ZNF142: variants seen among roughly 807,000 people sequenced by gnomAD.
ZNF142 encodes the protein zinc finger protein 142.
A neutral mutation model predicts 132.1 loss-of-function variants in ZNF142; 96 were observed. The ratio of observed to expected loss-of-function variants is 0.73; its 90% CI spans 0.62 to 0.86. The LOEUF (loss-of-function observed/expected upper bound fraction) is 0.86, where lower values mean the gene tolerates loss of function less well. ZNF142 is among the 40% of genes least tolerant of loss of function. The pLI is 0.00. For synonymous variants in ZNF142, 842 were observed against 890.1 expected, an observed-to-expected ratio of 0.95 and a Z score of 0.96; for missense variants, 2,163 against 2,336.2, an observed-to-expected ratio of 0.93 and a Z score of 1.53.
chr2:218,648,206 G>T (rs1224409953), intron 7 of ZNF142, among the ~76,000 whole-genome samples: 2 of 152,234 alleles, frequency 1.3e-5, no homozygotes, highest in East Asian at 3.8e-4. Context: ...TCAGTGTCAT[G>T]GATGCCCAAG....
chr2:218,634,594 C>CA lies in ZNF142; in HGVS notation c.*3744dup. On this transcript the variant is annotated 3_prime_UTR_variant, in exon 11 of 11. Coordinates refer to ENST00000411696, the MANE Select transcript of ZNF142 (RefSeq NM_001379659.1). The surrounding 1 kb of genome is among the most constrained non-coding windows in gnomAD (Gnocchi z 4.0). Reference sequence around the variant, plus strand: ...AGAGTTCTTTCCACCCTGAGAAGCCCATCAGCCCTTTCAAAGCCCAGACTC... The same window carrying CA: ...AGAGTTCTTTCCACCCTGAGAAGCCCAATCAGCCCTTTCAAAGCCCAGACTC... The CA allele has an allele frequency of 3.1e-6, 5 of 1,614,016 alleles. No individual in the cohort carries two copies. In the South Asian group the frequency reaches 5.5e-5, roughly 18 times the overall value.
intron 4 of ZNF142, among the ~76,000 whole-genome samples, chr2:218,653,291 T>A (rs1322436106): frequency 6.8e-6 from 1 of 146,776 alleles, no homozygotes; most frequent in Non-Finnish European, 1.5e-5. Flanking sequence ...AAAAAAAAAA[T>A]TTCAGGCCGG....
intron 3 of ZNF142, among the ~76,000 whole-genome samples, chr2:218,657,166 A>G (rs1938591585): frequency 6.6e-6 from 1 of 152,026 alleles, no homozygotes; most frequent in Non-Finnish European, 1.5e-5. Context: ...AGCATGGATT[A>G]TAAGGAAGGC....
In ZNF142 at chr2:218,644,036, A is replaced by G. The variant is rs763661146; in HGVS notation, c.3080T>C (p.Val1027Ala). ...GGCTCGCCCCTCTCCCTGGATCACT[A>G]CCATCTGCACCCGCCCCTCTAGCAC... The part of the protein sequence containing the change: ...ALVLEGRVQM[V>A]VIQGEGRAFR... The change falls in exon 9 of 11, where the codon GTA becomes GCA. Residue 1027 changes from valine (V) to alanine (A), a missense_variant. Val to Ala is a moderately conservative substitution (Grantham distance 64). Transcript: ENST00000411696. The surrounding 1 kb of genome is among the most constrained non-coding windows in gnomAD (Gnocchi z 4.6). The G allele has an allele frequency of 3.1e-6, 5 of 1,613,902 alleles. No individual in the cohort carries two copies. In the African/African-American group the frequency reaches 6.7e-5, roughly 22 times the overall value.
In ZNF142 at chr2:218,635,955, AG is replaced by A; in HGVS notation, c.*2383del. On this transcript the variant is annotated 3_prime_UTR_variant, in exon 11 of 11. Transcript: ENST00000411696. ...TGGTGAGAAACTGGCAGTGCTGGGG[AG>A]GTGGGGGTAGGAGCATGATTAGTTT... is the stretch of plus-strand genomic sequence containing the variant. The A allele has an allele frequency of 6.2e-7, 1 of 1,613,816 alleles. No individual in the cohort carries two copies. Among genetic ancestry groups the A allele is most frequent in the Non-Finnish European group, 8.5e-7 (1 of 1,179,810 alleles).
intron 9 of ZNF142, 135 bp from the exon 10 acceptor site, chr2:218,640,904 C>A (rs1383597280): frequency 7.3e-5 from 44 of 606,692 alleles, no homozygotes; most frequent in Non-Finnish European, 5.5e-6. Flanking sequence ...CTTTGTTTTT[C>A]TTAATCTTCA....
At position 218,644,911 on chromosome 2, in the gene ZNF142, G is replaced by A. The variant is rs1428199348; in HGVS notation, c.2205C>T (p.His735=). 3 of 1,613,940 alleles carry A rather than the reference G, an allele frequency of 1.9e-6. No individual in the cohort carries two copies. Among genetic ancestry groups the A allele is most frequent in the Middle Eastern group, 1.6e-4 (1 of 6,084 alleles). ...YELQKHMASQ[H]HPGTPAPLYP... ...AGAGTGGGGCCGGTGTGCCAGGGTG[G>A]TGCTGGGAAGCCATGTGCTTCTGCA... Residue 735 remains histidine (H), a synonymous_variant, in exon 9 of 11, where the codon CAC becomes CAT. Coordinates refer to ENST00000411696, the MANE Select transcript of ZNF142 (RefSeq NM_001379659.1). The surrounding 1 kb of genome is among the most constrained non-coding windows in gnomAD (Gnocchi z 4.6).
At chr2:218,639,057 C>T (rs555808242) in intron 10 of ZNF142, among the ~76,000 whole-genome samples, 14 of 152,286 alleles carry the variant, frequency 9.2e-5, no homozygotes, top group African/African-American at 2.6e-4. Context: ...CTACAACCTC[C>T]GCCTCCCAGG....
intron 7 of ZNF142, among the ~76,000 whole-genome samples, chr2:218,647,609 G>T (rs1320625299): frequency 4.6e-5 from 7 of 151,962 alleles, no homozygotes; most frequent in African/African-American, 1.7e-4. Flanking sequence ...CCTCCAAAAG[G>T]TTGGTATAAA....
chr2:218,633,344 G>A lies in ZNF142; in HGVS notation c.*4995C>T. On this transcript the variant is annotated 3_prime_UTR_variant, in exon 11 of 11. Coordinates refer to ENST00000411696, the MANE Select transcript of ZNF142 (RefSeq NM_001379659.1). ...AGCCCAGAGGTTGACACTGATCCCA[G>A]CAGTACATGCAGACCGCCTTTATTC... 3 of 703,150 alleles carry A rather than the reference G, an allele frequency of 4.3e-6. No individual in the cohort carries two copies. In the South Asian group the frequency reaches 4.4e-5, roughly 10 times the overall value. 43.6% of individuals were successfully genotyped at this position (703,150 alleles called of 1,614,324 possible). A position where few individuals can be genotyped will look rare whatever the true frequency, so the allele number is the denominator to read the frequency against.
Position 218,636,278 on chromosome 2 carries a change from CG to C in ZNF142, c.*2060del. On this transcript the variant is annotated 3_prime_UTR_variant, in exon 11 of 11. Coordinates refer to ENST00000411696, the MANE Select transcript of ZNF142 (RefSeq NM_001379659.1). ...ATACTGGGGGCAGACACTATGTTTC[CG>C]GGTGCTGGTGCCTGAACTTGCCATG... 6.2e-7 allele frequency: 1 copy of C among 1,614,036 alleles called. No individual in the cohort carries two copies. Among genetic ancestry groups the C allele is most frequent in the Non-Finnish European group, 8.5e-7 (1 of 1,179,892 alleles).
At position 218,634,312 on chromosome 2, in the gene ZNF142, A is replaced by T; in HGVS notation, c.*4027T>A. On this transcript the variant is annotated 3_prime_UTR_variant, in exon 11 of 11. Transcript: ENST00000411696. The surrounding 1 kb of genome is among the most constrained non-coding windows in gnomAD (Gnocchi z 4.0). ...GTGATGGTAGGGTTGGGGAATGCTC[A>T]AGAAAATTGCTAGGCTGAGAAATGC... 1 of 1,571,832 alleles carries T rather than the reference A, an allele frequency of 6.4e-7. No individual in the cohort carries two copies. Among genetic ancestry groups the T allele is most frequent in the Non-Finnish European group, 8.6e-7 (1 of 1,158,178 alleles).
At chr2:218,651,621 C>T (rs972674280) in intron 5 of ZNF142, 80 bp downstream of exon 5, 15 of 1,197,738 alleles carry the variant, frequency 1.3e-5, no homozygotes, top group Non-Finnish European at 1.6e-5. Context: ...CATTCATGGC[C>T]TTGGAAACAA....
rs368838215 is a variant in ZNF142, at chr2:218,642,611, T to G, written c.4505A>C (p.Lys1502Thr). The G allele has an allele frequency of 1.9e-6, 3 of 1,613,584 alleles. No individual in the cohort carries two copies. Among genetic ancestry groups the G allele is most frequent in the African/African-American group, 2.7e-5 (2 of 74,822 alleles). ...GGGGTGTCGGCGCAGAGCATGCTGC[T>G]TAAGTGCTGTCTCTGAGCTGAACTG... is the stretch of plus-strand genomic sequence containing the variant. ...EAQFSSETAL[K>T]QHALRRHPEP... Residue 1502 changes from lysine to threonine, a missense_variant, in exon 9 of 11, where the codon AAG becomes ACG. Physicochemically the swap from Lys to Thr is moderately conservative, Grantham distance 78. Transcript: ENST00000411696. This position sits in a 1 kb window ranked among gnomAD's most constrained non-coding sequence, Gnocchi z 4.6.
At position 218,652,023 on chromosome 2, in the gene ZNF142, G is replaced by T; in HGVS notation, c.558C>A (p.His186Gln). The part of the protein sequence containing the change: ...PQALKSHFKI[H>Q]RGTPDTFSCP... Reference sequence around the variant, plus strand: ...AGGAGAAGGTGTCAGGAGTGCCCCGGTGAATCTTGAAGTGGCTCTTCAGGG... The same window carrying T: ...AGGAGAAGGTGTCAGGAGTGCCCCGTTGAATCTTGAAGTGGCTCTTCAGGG... Residue 186 changes from histidine to glutamine, a missense_variant, in exon 5 of 11, where the codon CAC (histidine) becomes CAA (glutamine). By Grantham distance (24) the His-to-Gln change is conservative. This residue lies in a region of ZNF142 where 195 missense variants were observed against 172.4 expected (regional missense o/e 1.13). Coordinates refer to ENST00000411696, the MANE Select transcript of ZNF142 (RefSeq NM_001379659.1). 1 of 556,068 alleles carries T rather than the reference G, an allele frequency of 1.8e-6. No individual in the cohort carries two copies. Among genetic ancestry groups the T allele is most frequent in the Non-Finnish European group, 3.1e-6 (1 of 318,114 alleles). The allele number at this position is 556,068 out of a possible 1,614,324, so 34.4% of individuals were successfully genotyped here.
At position 218,634,367 on chromosome 2, in the gene ZNF142, G is replaced by A. The variant is rs574517639; in HGVS notation, c.*3972C>T. On this transcript the variant is annotated 3_prime_UTR_variant, in exon 11 of 11. Coordinates refer to ENST00000411696, the MANE Select transcript of ZNF142 (RefSeq NM_001379659.1). This position sits in a 1 kb window ranked among gnomAD's most constrained non-coding sequence, Gnocchi z 4.0. ...AGTGGATATTACCAGCAGGTACCGT[G>A]CACCCAGTACCTATCTTCTTAACTC... The A allele has an allele frequency of 2.5e-6, 4 of 1,573,592 alleles. No individual in the cohort carries two copies. The South Asian group carries it at 4.7e-5, about 19-fold the overall frequency.
In ZNF142 at chr2:218,634,022, G is replaced by T; in HGVS notation, c.*4317C>A. 4.0e-6 allele frequency: 6 copies of T among 1,512,516 alleles called. No homozygotes were observed. The highest frequency in any genetic ancestry group is 8.9e-7 in the Non-Finnish European group (1 of 1,119,182). 93.7% of individuals were successfully genotyped at this position (1,512,516 alleles called of 1,614,324 possible). A position where few individuals can be genotyped will look rare whatever the true frequency, so the allele number is the denominator to read the frequency against. On this transcript the variant is annotated 3_prime_UTR_variant, in exon 11 of 11. Transcript: ENST00000411696. This position sits in a 1 kb window ranked among gnomAD's most constrained non-coding sequence, Gnocchi z 4.0. The stretch of plus-strand genomic sequence containing the variant: ...CCAGCTTCAGATGCTGGAGAGAAGG[G>T]TGAAGAGTAGGCATGGTCCTTGGGA...
intron 5 of ZNF142, among the ~76,000 whole-genome samples, chr2:218,650,963 G>A (rs1019968954): frequency 6.7e-6 from 1 of 150,018 alleles, no homozygotes; most frequent in Admixed American, 6.7e-5. Context: ...TCCCTTGAAA[G>A]TTCCTAAGTT....
Position 218,643,232 on chromosome 2 carries a change from A to G in ZNF142, c.3884T>C (p.Leu1295Pro). The change falls in exon 9 of 11, where the codon CTG becomes CCG. Residue 1295 changes from leucine to proline, a missense_variant. Physicochemically the swap from Leu to Pro is moderately conservative, Grantham distance 98. Coordinates refer to ENST00000411696, the MANE Select transcript of ZNF142 (RefSeq NM_001379659.1). ...ESSSGDGDTV[L>P]VQKQKGARFS... Reference sequence around the variant, plus strand: ...GCGAGCCCCCTTCTGCTTTTGAACCAGAACTGTATCCCCATCACCAGAGCT... The same window carrying G: ...GCGAGCCCCCTTCTGCTTTTGAACCGGAACTGTATCCCCATCACCAGAGCT... 1 of 1,614,250 alleles carries G rather than the reference A, an allele frequency of 6.2e-7. No individual in the cohort carries two copies. Among genetic ancestry groups the G allele is most frequent in the Non-Finnish European group, 8.5e-7 (1 of 1,180,044 alleles).
Sources: allele counts gnomAD v4.1 joint callset (sites outside exome capture counted in the v4.1 genomes callset), GRCh38; gene constraint gnomAD v4.1.1; regional missense constraint gnomAD v4.1.1; non-coding constraint Gnocchi (gnomAD v3.1); transcripts MANE v1.5; gene names NCBI Gene and HGNC (gene_info 2026-07-23, HGNC 2026-07-21).